UQCC1: variants seen among roughly 807,000 people sequenced by gnomAD.
UQCC1 encodes the protein ubiquinol-cytochrome c reductase complex assembly factor 1.
A neutral mutation model predicts 48.0 loss-of-function variants in UQCC1; 38 were observed. That is an observed-to-expected ratio of 0.79 (90% CI 0.61 to 1.04). UQCC1 has a LOEUF of 1.04. Among genes scored for constraint, UQCC1 ranks in the 50% least tolerant of loss-of-function variants. The pLI, the probability that UQCC1 is intolerant of heterozygous loss-of-function variation, is 0.00. For missense variants in UQCC1, 368 were observed against 381.8 expected (o/e 0.96, Z 0.30); for synonymous variants, 111 against 129.2 (o/e 0.86, Z 0.95).
At chr20:35,401,079 T>C (rs1490176681) in intron 1 of UQCC1, among the ~76,000 whole-genome samples, 2 of 152,194 alleles carry the variant, frequency 1.3e-5, no homozygotes, top group South Asian at 2.1e-4. Flanking sequence ...TACTGAACCA[T>C]TGCTTCTAAA....
At chr20:35,347,418 C>A in intron 6 of UQCC1, 146 bp from the exon 7 acceptor site, 1 of 866,284 alleles carries the variant, frequency 1.2e-6, no homozygotes, top group Non-Finnish European at 1.8e-6. Context: ...TAAACTTTTA[C>A]TGAGATATAA....
At chr20:35,319,592 G>A (rs2061099797) in intron 7 of UQCC1, among the ~76,000 whole-genome samples, 1 of 152,176 alleles carries the variant, frequency 6.6e-6, no homozygotes, top group South Asian at 2.1e-4. Context: ...GCAGGCCAGG[G>A]ACGGGTCCTG....
At chr20:35,304,876 C>G (rs6058225) in intron 9 of UQCC1, among the ~76,000 whole-genome samples, 3 of 152,222 alleles carry the variant, frequency 2.0e-5, no homozygotes, top group African/African-American at 7.2e-5. Context: ...GCCTCTCGCA[C>G]GTGTCTTGGC....
chr20:35,314,748 C>T lies in UQCC1; in HGVS notation c.591G>A (p.Leu197=), dbSNP rs561168879. The stretch of plus-strand genomic sequence containing the variant: ...TTGTCATGAGGATCATGTTCTTCTT[C>T]AGGATATAGGGATTAACCTACAGAA... The part of the protein sequence containing the change: ...GRVMGVNPYI[L]KKNMILMTNH... The change falls in exon 8 of 10, where the codon CTG becomes CTA. Residue 197 remains leucine, a synonymous_variant. Transcript: ENST00000374385. 31 of 1,606,986 alleles carry T rather than the reference C, an allele frequency of 1.9e-5. No homozygotes were observed. In the South Asian group the frequency reaches 2.8e-4, roughly 14 times the overall value.
At position 35,314,755 on chromosome 20, in the gene UQCC1, T is replaced by C. The variant is rs2061038401; in HGVS notation, c.584A>G (p.Tyr195Cys). The C allele has an allele frequency of 6.2e-7, 1 of 1,602,434 alleles. No homozygotes were observed. The highest frequency in any genetic ancestry group is 8.5e-7 in the Non-Finnish European group (1 of 1,171,106). Residue 195 changes from tyrosine to cysteine, a missense_variant, in exon 8 of 10, where the codon TAT becomes TGT. Transcript: ENST00000374385. ...GAGGATCATGTTCTTCTTCAGGATA[T>C]AGGGATTAACCTACAGAAACAAATG... ...QRGRVMGVNP[Y>C]ILKKNMILMT...
At chr20:35,368,865 G>C (rs1202870418) in intron 5 of UQCC1, among the ~76,000 whole-genome samples, 4 of 152,184 alleles carry the variant, frequency 2.6e-5, no homozygotes, top group Non-Finnish European at 5.9e-5. Flanking sequence ...CAGCCATACA[G>C]CTATTAAGAC....
At chr20:35,310,973 C>T (rs555588184) in intron 8 of UQCC1, among the ~76,000 whole-genome samples, 2 of 151,028 alleles carry the variant, frequency 1.3e-5, no homozygotes, top group East Asian at 3.9e-4. Flanking sequence ...GCTGGGATTA[C>T]AGGCGTGAGC....
chr20:35,356,326 A>G (rs1330808787), intron 6 of UQCC1, among the ~76,000 whole-genome samples: 6 of 152,266 alleles, frequency 3.9e-5, no homozygotes, highest in Admixed American at 3.3e-4. Flanking sequence ...CACCAGAGAT[A>G]ATAGATTACT....
intron 4 of UQCC1, among the ~76,000 whole-genome samples, chr20:35,376,017 G>C (rs777359753): frequency 2.5e-4 from 38 of 150,282 alleles, no homozygotes; most frequent in Non-Finnish European, 4.4e-4. Context: ...AATAAAATTA[G>C]GTTGGGTTGT....
chr20:35,306,001 T>C (rs1458114821), intron 9 of UQCC1, among the ~76,000 whole-genome samples: 2 of 152,218 alleles, frequency 1.3e-5, no homozygotes, highest in African/African-American at 4.8e-5. Context: ...CTCACTCATC[T>C]ATCAAGTATG....
chr20:35,348,889 A>G (rs1017082877), intron 6 of UQCC1, among the ~76,000 whole-genome samples: 62 of 152,200 alleles, frequency 4.1e-4, no homozygotes, highest in African/African-American at 1.4e-3. Flanking sequence ...TCCTGGGCTC[A>G]AGACTTCCTC....
In UQCC1 at chr20:35,303,406, A is replaced by C. The variant is rs1240734517; in HGVS notation, c.*529T>G. 6.3e-6 allele frequency: 1 copy of C among 159,770 alleles called. No individual in the cohort carries two copies. Among genetic ancestry groups the C allele is most frequent in the Non-Finnish European group, 1.4e-5 (1 of 71,714 alleles). The allele number at this position is 159,770 out of a possible 1,614,324, so 9.9% of individuals were successfully genotyped here. A position where few individuals can be genotyped will look rare whatever the true frequency, so the allele number is the denominator to read the frequency against. On this transcript the variant is annotated 3_prime_UTR_variant, in exon 10 of 10. Coordinates refer to ENST00000374385, the MANE Select transcript of UQCC1 (RefSeq NM_018244.5). ...GCGCGGTGCCCTCATTACTGCGTCC[A>C]CCATCTCAGGCAAGTTTCTAAGTCC...
chr20:35,387,116 C>T (rs756784247), intron 2 of UQCC1, among the ~76,000 whole-genome samples: 1 of 151,340 alleles, frequency 6.6e-6, no homozygotes, highest in Non-Finnish European at 1.5e-5. Flanking sequence ...ATCTCTACCC[C>T]CCTCCAAAAA....
chr20:35,370,234 CT>C (rs200297507), intron 5 of UQCC1, among the ~76,000 whole-genome samples: 178 of 125,034 alleles, frequency 1.4e-3, no homozygotes, highest in Middle Eastern at 4.1e-3. Flanking sequence ...TCTCTTGTTT[CT>C]TTTTTTTTTT....
chr20:35,363,048 A>G (rs1379808025), intron 6 of UQCC1, among the ~76,000 whole-genome samples: 2 of 146,144 alleles, frequency 1.4e-5, no homozygotes, highest in Non-Finnish European at 3.0e-5. Flanking sequence ...AAAAAAAAAA[A>G]GAAAGAAAGA....
chr20:35,317,947 A>C (rs890515463), intron 7 of UQCC1, among the ~76,000 whole-genome samples: 2 of 152,166 alleles, frequency 1.3e-5, no homozygotes, highest in African/African-American at 4.8e-5. Flanking sequence ...AGAGTCAAGA[A>C]ACAGGCCAGA....
At chr20:35,318,618 T>C (rs2061089148) in intron 7 of UQCC1, among the ~76,000 whole-genome samples, 1 of 152,186 alleles carries the variant, frequency 6.6e-6, no homozygotes, top group South Asian at 2.1e-4. Context: ...GCTGAGACAA[T>C]GGCAAACTGC....
intron 7 of UQCC1, among the ~76,000 whole-genome samples, chr20:35,341,745 G>A (rs899230871): frequency 6.6e-6 from 1 of 152,150 alleles, no homozygotes; most frequent in Non-Finnish European, 1.5e-5. Context: ...AAGGAATTGA[G>A]GCTGGGGTGT....
At chr20:35,406,836 T>G (rs1191276442) in intron 1 of UQCC1, among the ~76,000 whole-genome samples, 1 of 152,308 alleles carries the variant, frequency 6.6e-6, no homozygotes, top group South Asian at 2.1e-4. Context: ...AATAACACAA[T>G]GTTCGGGAAG....
Sources: allele counts gnomAD v4.1 joint callset (sites outside exome capture counted in the v4.1 genomes callset), GRCh38; gene constraint gnomAD v4.1.1; transcripts MANE v1.5; gene names NCBI Gene and HGNC (gene_info 2026-07-23, HGNC 2026-07-21).